Variants in BMP5 observed in about 807,000 individuals in gnomAD.
BMP5 encodes bone morphogenetic protein 5.
A neutral mutation model predicts 46.6 loss-of-function variants in BMP5; 23 were observed. The observed-to-expected ratio is 0.49, with a 90% CI of 0.35 to 0.70. BMP5 has a LOEUF of 0.70. Ranked by LOEUF, BMP5 falls within the 30% of genes least tolerant of loss-of-function variation. The pLI is 0.00. For synonymous variants in BMP5, 204 were observed against 191.9 expected (o/e 1.06, Z -0.52); for missense variants, 545 against 565.6 (o/e 0.96, Z 0.37).
intron 1 of BMP5, among the ~76,000 whole-genome samples, chr6:55,843,697 A>G (rs1777022562): frequency 6.6e-6 from 1 of 152,050 alleles, no homozygotes; most frequent in African/African-American, 2.4e-5. Flanking sequence ...ACTTTCTGGT[A>G]TACTATCATA....
intron 1 of BMP5, among the ~76,000 whole-genome samples, chr6:55,839,318 A>G (rs1323835904): frequency 6.7e-6 from 1 of 149,056 alleles, no homozygotes; most frequent in Non-Finnish European, 1.5e-5. Flanking sequence ...TTATTTATTC[A>G]TCATTTATTA....
intron 5 of BMP5, 48 bp from the exon 6 acceptor site, chr6:55,759,163 AAAAAAAAAAAAAAAAAAAAAC>A (rs1774695927): frequency 8.4e-6 from 7 of 836,586 alleles, no homozygotes; most frequent in Admixed American, 5.6e-5. Context: ...AAAAAAAAAA[AAAAAAAAAAAAAAAAAAAAAC>A]AACAAGAAAA....
chr6:55,807,797 T>C (rs535482009), intron 2 of BMP5, among the ~76,000 whole-genome samples: 1 of 152,322 alleles, frequency 6.6e-6, no homozygotes, highest in African/African-American at 2.4e-5. Flanking sequence ...GGAGGGTGTA[T>C]GTGTCTAGGA....
In BMP5 at chr6:55,817,614, G is replaced by C. The variant is rs371564949; in HGVS notation, c.683+2041C>G. 2.1e-4 allele frequency among the ~76,000 whole-genome samples: 32 copies of C among 152,148 alleles called. No individual in the cohort carries two copies. In the East Asian group the frequency reaches 4.7e-3, roughly 22 times the overall value. ...GGGGACTGTTGTGGGGTGGGAGGAG[G>C]GGGGAGGGATAGCATTAGGAGATAT... On this transcript the variant is annotated intron_variant, in intron 2 of 6. Coordinates refer to ENST00000370830, the MANE Select transcript of BMP5 (RefSeq NM_021073.4).
Position 55,864,386 on chromosome 6 carries a change from T to G in BMP5, c.490+9990A>C, listed in dbSNP as rs1240392036. Reference sequence around the variant, plus strand: ...ATGTCATCTTGTGGGAGGGAGGGAGTTATTGGTCGCCTGGGAATGGATTAG... The same window carrying G: ...ATGTCATCTTGTGGGAGGGAGGGAGGTATTGGTCGCCTGGGAATGGATTAG... On this transcript the variant is annotated intron_variant, in intron 1 of 6. Transcript: ENST00000370830. Among the ~76,000 whole-genome samples, 3 of 151,572 alleles carry G rather than the reference T, an allele frequency of 2.0e-5. No individual in the cohort carries two copies. The East Asian group carries it at 5.8e-4, about 29-fold the overall frequency.
At chr6:55,843,339 G>A (rs563969008) in intron 1 of BMP5, among the ~76,000 whole-genome samples, 3 of 152,036 alleles carry the variant, frequency 2.0e-5, no homozygotes, top group South Asian at 4.1e-4. Flanking sequence ...AGATAATTAA[G>A]ACATTTCTGA....
intron 1 of BMP5, among the ~76,000 whole-genome samples, chr6:55,853,957 A>G (rs1032451149): frequency 1.3e-5 from 2 of 152,210 alleles, no homozygotes; most frequent in African/African-American, 4.8e-5. Context: ...TATATACTTC[A>G]GAATTTTTTA....
intron 1 of BMP5, among the ~76,000 whole-genome samples, chr6:55,865,710 A>G (rs1201418330): frequency 6.6e-6 from 1 of 152,218 alleles, no homozygotes; most frequent in Non-Finnish European, 1.5e-5. Context: ...TTAGATCTCC[A>G]TAGTATATTC....
At chr6:55,799,350 C>G (rs113710208) in intron 2 of BMP5, among the ~76,000 whole-genome samples, 88 of 152,120 alleles carry the variant, frequency 5.8e-4, no homozygotes, top group African/African-American at 2.1e-3. Context: ...CAAATAACCT[C>G]TATCAGTGTT....
chr6:55,817,659 G>C (rs1445086761), intron 2 of BMP5, among the ~76,000 whole-genome samples: 2 of 152,128 alleles, frequency 1.3e-5, no homozygotes, highest in East Asian at 1.9e-4. Context: ...TGAATGACGA[G>C]TTAATGGGTG....
chr6:55,763,586 A>G (rs1014791766), intron 4 of BMP5, among the ~76,000 whole-genome samples: 6 of 152,194 alleles, frequency 3.9e-5, no homozygotes, highest in African/African-American at 1.4e-4. Context: ...ATGTCTTTTA[A>G]AATACTGATG....
intron 1 of BMP5, among the ~76,000 whole-genome samples, chr6:55,864,801 G>T (rs541719016): frequency 6.6e-6 from 1 of 151,950 alleles, no homozygotes; most frequent in Non-Finnish European, 1.5e-5. Flanking sequence ...ATGGCCTTTT[G>T]TGTGGCTTTG....
intron 2 of BMP5, among the ~76,000 whole-genome samples, chr6:55,813,089 T>A (rs1776172474): frequency 6.6e-6 from 1 of 152,188 alleles, no homozygotes; most frequent in African/African-American, 2.4e-5. Flanking sequence ...ATACCTTCCA[T>A]GGCTTAAGAA....
intron 1 of BMP5, among the ~76,000 whole-genome samples, chr6:55,864,354 T>C (rs1777591807): frequency 6.6e-6 from 1 of 152,156 alleles, no homozygotes; most frequent in Non-Finnish European, 1.5e-5. Flanking sequence ...CCGTTATGAA[T>C]AGATAAATGT....
chr6:55,799,692 A>G (rs547957266), intron 2 of BMP5, among the ~76,000 whole-genome samples: 2 of 152,294 alleles, frequency 1.3e-5, no homozygotes, highest in African/African-American at 4.8e-5. Flanking sequence ...ATGTTATCAT[A>G]CTTCAATTGT....
intron 1 of BMP5, among the ~76,000 whole-genome samples, chr6:55,862,755 T>C (rs1283992888): frequency 6.6e-6 from 1 of 152,148 alleles, no homozygotes; most frequent in Non-Finnish European, 1.5e-5. Flanking sequence ...GCCTCCATAC[T>C]AATAATTTCC....
intron 3 of BMP5, among the ~76,000 whole-genome samples, chr6:55,778,929 C>T (rs1775242677): frequency 6.6e-6 from 1 of 151,986 alleles, no homozygotes; most frequent in Non-Finnish European, 1.5e-5. Flanking sequence ...TCACATTTGC[C>T]TAAGAACACA....
chr6:55,836,414 C>A (rs2127543790), intron 1 of BMP5, among the ~76,000 whole-genome samples: 1 of 152,104 alleles, frequency 6.6e-6, no homozygotes, highest in African/African-American at 2.4e-5. Flanking sequence ...CCAACAGAAA[C>A]CTTTTTCTAT....
intron 6 of BMP5, among the ~76,000 whole-genome samples, chr6:55,758,292 T>C (rs1774664930): frequency 1.3e-5 from 2 of 151,868 alleles, no homozygotes; most frequent in Admixed American, 6.6e-5. Flanking sequence ...CTTAGGGAGA[T>C]TGTTCCTCTG....
Sources: gnomAD v4.1 joint callset for allele counts (sites outside exome capture counted in the v4.1 genomes callset) on GRCh38, gnomAD v4.1.1 for gene constraint, MANE v1.5 for transcripts, NCBI Gene and HGNC (gene_info 2026-07-23, HGNC 2026-07-21) for gene names.